The following SLCO4A1 variants were observed in gnomAD, a reference collection of about 807,000 sequenced individuals.
SLCO4A1 encodes colon organic anion transporter.
Under a neutral mutation model 64.6 loss-of-function variants are expected in SLCO4A1, and 51 were observed. That is an observed-to-expected ratio of 0.79 (90% CI 0.63 to 1.00). The LOEUF (loss-of-function observed/expected upper bound fraction) is 1.00. Among genes scored for constraint, SLCO4A1 ranks in the 50% least tolerant of loss-of-function variants. SLCO4A1 has a pLI of 0.00. For synonymous variants in SLCO4A1, 471 were observed against 444.9 expected, an observed-to-expected ratio of 1.06 and a Z score of -0.74; for missense variants, 919 against 980.5, an observed-to-expected ratio of 0.94 and a Z score of 0.84.
chr20:62,682,734 C>T (rs1019871234), intron 2 of SLCO4A1, among the ~76,000 whole-genome samples: 1 of 152,126 alleles, frequency 6.6e-6, no homozygotes, highest in African/African-American at 2.4e-5. Flanking sequence ...AAGTGGGGGT[C>T]GAATCCTGGC....
chr20:62,664,876 G>A (rs188188055), intron 5 of SLCO4A1, 58 bp from the exon 6 acceptor site: 14 of 1,469,260 alleles, frequency 9.5e-6, no homozygotes, highest in African/African-American at 7.3e-5. Context: ...TCCACACCCC[G>A]ACCTCTGCCC....
chr20:62,672,185 A>C lies in SLCO4A1; in HGVS notation c.*292A>C. On this transcript the variant is annotated 3_prime_UTR_variant, in exon 12 of 12. Transcript: ENST00000217159. Reference sequence around the variant, plus strand: ...TGGTGTGCGTGAGGACAAACTCCGCAGGGGCTGTGAATCCCACTGGGAGGG... The same window carrying C: ...TGGTGTGCGTGAGGACAAACTCCGCCGGGGCTGTGAATCCCACTGGGAGGG... 1 of 1,313,520 alleles carries C rather than the reference A, an allele frequency of 7.6e-7. No individual in the cohort carries two copies. 81.4% of individuals were successfully genotyped at this position (1,313,520 alleles called of 1,614,324 possible).
At chr20:62,651,090 C>T (rs1040210919) in intron 1 of SLCO4A1, among the ~76,000 whole-genome samples, 1 of 152,196 alleles carries the variant, frequency 6.6e-6, no homozygotes, top group East Asian at 1.9e-4. Context: ...GCCTGCCCAG[C>T]GTCACTCCAC....
At chr20:62,668,780 G>C (rs1007906912) in intron 10 of SLCO4A1, 150 bp from the exon 11 acceptor site, 6 of 847,548 alleles carry the variant, frequency 7.1e-6, no homozygotes, top group Non-Finnish European at 1.1e-5. Context: ...CCAAAGAAAG[G>C]AACGTTTAAG....
In SLCO4A1 at chr20:62,656,812, G is replaced by C. The variant is rs771542399; in HGVS notation, c.358G>C (p.Val120Leu). Residue 120 changes from valine to leucine, a missense_variant, in exon 2 of 12, where the codon GTG becomes CTG. By Grantham distance (32) the Val-to-Leu change is conservative (BLOSUM62 1). Coordinates refer to ENST00000217159, the MANE Select transcript of SLCO4A1 (RefSeq NM_016354.4). ...CAAAFLQGMT[V>L]NGFINTVITS... ...GGCCGCATTCCTGCAGGGGATGACT[G>C]TGAATGGCTTCATCAACACAGTCAT... is the stretch of plus-strand genomic sequence containing the variant. 1 of 1,612,896 alleles carries C rather than the reference G, an allele frequency of 6.2e-7. No individual in the cohort carries two copies.
At chr20:62,655,496 G>A (rs897707467) in intron 1 of SLCO4A1, among the ~76,000 whole-genome samples, 1 of 152,242 alleles carries the variant, frequency 6.6e-6, no homozygotes, top group Non-Finnish European at 1.5e-5. Context: ...GGCAGTAGGG[G>A]GGAGCTGTTG....
chr20:62,649,808 C>A, intron 1 of SLCO4A1: 1 of 152,418 alleles, frequency 6.6e-6, no homozygotes. Flanking sequence ...TTTGCAGCAC[C>A]GGGGTTCACC....
At chr20:62,666,921 C>T (rs1986456627) in intron 7 of SLCO4A1, among the ~76,000 whole-genome samples, 1 of 152,102 alleles carries the variant, frequency 6.6e-6, no homozygotes, top group South Asian at 2.1e-4. Context: ...TAAAAAGTGT[C>T]CCAGGATGTG....
rs540969508 is a variant in SLCO4A1, at chr20:62,668,363, T to TGGG, written c.1812-107_1812-105dup. 4.1e-5 allele frequency: 50 copies of TGGG among 1,227,146 alleles called. No individual in the cohort carries two copies. The African/African-American group carries it at 6.9e-4, about 17-fold the overall frequency. The allele number at this position is 1,227,146 out of a possible 1,614,324, so 76.0% of individuals were successfully genotyped here. ...GATCTCTGACGAGGGGCTTCCCACT[T>TGGG]GGGGGGGGGTGATGATGTGGCTGGG... On this transcript the variant is annotated intron_variant, in intron 9 of 11. Transcript: ENST00000217159.
intron 7 of SLCO4A1, chr20:62,666,813 A>G (rs1986432848): frequency 5.4e-6 from 3 of 557,408 alleles, no homozygotes; most frequent in African/African-American, 3.8e-5. Context: ...CCGGGCAGTC[A>G]TATGCCTCTC....
In SLCO4A1 at chr20:62,668,495, G is replaced by A; in HGVS notation, c.1830G>A (p.Gln610=). ...ATTGCAGATGTGTCCGTGACCCTCA[G>A]AGATCCTTTGCCCTGGGAATCCAGT... ...TATLRCVRDP[Q]RSFALGIQWI... The change falls in exon 10 of 12, where the codon CAG becomes CAA. Residue 610 remains glutamine, a synonymous_variant. Coordinates refer to ENST00000217159, the MANE Select transcript of SLCO4A1 (RefSeq NM_016354.4). 1 of 1,613,970 alleles carries A rather than the reference G, an allele frequency of 6.2e-7. No individual in the cohort carries two copies. Among genetic ancestry groups the A allele is most frequent in the Non-Finnish European group, 8.5e-7 (1 of 1,179,990 alleles).
chr20:62,659,781 G>A (rs1196306944), intron 3 of SLCO4A1, among the ~76,000 whole-genome samples: 2 of 152,202 alleles, frequency 1.3e-5, no homozygotes, highest in Non-Finnish European at 2.9e-5. Flanking sequence ...GCCTTTGCTG[G>A]CCTTTTGCCC....
At chr20:62,653,703 A>G (rs1601622243) in intron 1 of SLCO4A1, among the ~76,000 whole-genome samples, 1 of 152,096 alleles carries the variant, frequency 6.6e-6, no homozygotes, top group Non-Finnish European at 1.5e-5. Flanking sequence ...TCATCTCCCA[A>G]ATTCGGGGGC....
intron 1 of SLCO4A1, among the ~76,000 whole-genome samples, chr20:62,648,731 C>A (rs143713558): frequency 6.6e-6 from 1 of 152,062 alleles, no homozygotes; most frequent in African/African-American, 2.4e-5. Context: ...GCTGTCAGAG[C>A]CTCCTCCCTA....
In SLCO4A1 at chr20:62,661,275, C is replaced by T. The variant is rs1462474800; in HGVS notation, c.1121+100C>T. On this transcript the variant is annotated intron_variant, in intron 5 of 11. Transcript: ENST00000217159. This position sits in a 1 kb window ranked among gnomAD's most constrained non-coding sequence, Gnocchi z 5.2. ...GACCCCTCCGGGATCATGATGGGGA[C>T]GCAGCCCCTAACCTCTGTCGTGACC... 2.6e-5 allele frequency: 21 copies of T among 813,226 alleles called. No homozygotes were observed. The highest frequency in any genetic ancestry group is 5.0e-5 in the African/African-American group (3 of 59,702). The allele number at this position is 813,226 out of a possible 1,614,324, so 50.4% of individuals were successfully genotyped here.
intron 9 of SLCO4A1, 113 bp downstream of exon 9, chr20:62,668,297 G>C (rs1432073639): frequency 1.4e-5 from 19 of 1,350,846 alleles, no homozygotes; most frequent in Non-Finnish European, 1.9e-5. Flanking sequence ...GTCTAAGCGG[G>C]CCTGTCTGTC....
Position 62,666,452 on chromosome 20 carries a change from G to A in SLCO4A1, c.1349G>A (p.Arg450Gln), listed in dbSNP as rs775463533. 10 of 1,613,280 alleles carry A rather than the reference G, an allele frequency of 6.2e-6. No individual in the cohort carries two copies. The highest frequency in any genetic ancestry group is 2.7e-5 in the African/African-American group (2 of 74,894). The change falls in exon 7 of 12, where the codon CGG (arginine) becomes CAG (glutamine). Residue 450 changes from arginine to glutamine, a missense_variant. Transcript: ENST00000217159. ...TTCTTTGTGAACAAGCTCAGGCTCC[G>A]GGGCTCCGCGGTCATCAAGTTCTGC... ...GGFFVNKLRL[R>Q]GSAVIKFCLF...
In SLCO4A1 at chr20:62,667,995, ATTG is replaced by A. The variant is rs775010100; in HGVS notation, c.1639-13_1639-11del. ...GTGCCTTCCCCTTGTAATCGGAGCT[ATTG>A]TTGGGCTTCCCAGGTGTACCGAGAC... On this transcript the variant is annotated splice_polypyrimidine_tract_variant and intron_variant, in intron 8 of 11. Coordinates refer to ENST00000217159, the MANE Select transcript of SLCO4A1 (RefSeq NM_016354.4). The A allele has an allele frequency of 6.2e-7, 1 of 1,613,884 alleles. No homozygotes were observed. Among genetic ancestry groups the A allele is most frequent in the East Asian group, 2.2e-5 (1 of 44,866 alleles).
downstream of SLCO4A1, among the ~76,000 whole-genome samples, chr20:62,674,583 C>T (rs192204535): frequency 3.3e-5 from 5 of 152,282 alleles, no homozygotes; most frequent in East Asian, 1.9e-4. Flanking sequence ...TCACAGATGA[C>T]GATTCCAAGG....
Sources: gnomAD v4.1 joint callset for allele counts (sites outside exome capture counted in the v4.1 genomes callset) on GRCh38, gnomAD v4.1.1 for gene constraint, Gnocchi (gnomAD v3.1) non-coding constraint, MANE v1.5 for transcripts, NCBI Gene and HGNC (gene_info 2026-07-23, HGNC 2026-07-21) for gene names.